The following DMRT3 variants were observed in gnomAD, a reference collection of about 807,000 sequenced individuals.
DMRT3 encodes doublesex- and mab-3-related transcription factor 3.
DMRT3 carries 29 observed loss-of-function variants against 34.9 expected under a neutral mutation model. The observed-to-expected ratio is 0.83, with a 90% CI of 0.62 to 1.13. DMRT3 has a LOEUF of 1.13. DMRT3 is among the 50% of genes most tolerant of loss of function. The probability of loss-of-function intolerance (pLI) is 0.00; values close to 1 mark genes in which losing one functional copy is unlikely to be tolerated. For missense variants in DMRT3, 772 were observed against 629.1 expected (o/e 1.23, Z -2.43); for synonymous variants, 350 against 286.0 (o/e 1.22, Z -2.26).
chr9:977,366 G>T lies in DMRT3; in HGVS notation c.365G>T (p.Arg122Leu), dbSNP rs950153747. 9.3e-5 allele frequency: 115 copies of T among 1,233,070 alleles called. No individual in the cohort carries two copies. The highest frequency in any genetic ancestry group is 1.1e-4 in the Non-Finnish European group (112 of 991,134). 76.4% of individuals were successfully genotyped at this position (1,233,070 alleles called of 1,614,324 possible). A position where few individuals can be genotyped will look rare whatever the true frequency, so the allele number is the denominator to read the frequency against. The change falls in exon 1 of 2, where the codon CGC becomes CTC. Residue 122 changes from arginine (R) to leucine (L), a missense_variant. By Grantham distance (102) the Arg-to-Leu change is moderately radical. Transcript: ENST00000190165. ...CAGCCGTCGCAGCCGCAGCCGCCGC[G>T]CCCTGCTGCCGAGTTGGCCGCGGCC... is the stretch of plus-strand genomic sequence containing the variant. ...ASQPSQPQPPRPAAELAAAAA... is the reference protein window; with the variant it reads ...ASQPSQPQPPLPAAELAAAAA...
intron 1 of DMRT3, among the ~76,000 whole-genome samples, chr9:987,723 A>G (rs1820303156): frequency 1.3e-5 from 2 of 152,212 alleles, no homozygotes; most frequent in African/African-American, 4.8e-5. Context: ...ATCGTGCAGA[A>G]ATATAAATAC....
chr9:984,497 C>T (rs1015815328), intron 1 of DMRT3, among the ~76,000 whole-genome samples: 1 of 151,672 alleles, frequency 6.6e-6, no homozygotes, highest in African/African-American at 2.4e-5. Flanking sequence ...ATTCTGTCGC[C>T]GCAGCTGGAG....
chr9:990,484 G>A lies in DMRT3; in HGVS notation c.898G>A (p.Ala300Thr), dbSNP rs569551719. ...AGTCACGGGAGCAGAGCGAACTTCCGCAGAACCTGAGAGTCTAGCGTTGCC... is the reference window on the plus strand; with the variant it reads ...AGTCACGGGAGCAGAGCGAACTTCCACAGAACCTGAGAGTCTAGCGTTGCC... ...SSVTGAERTSAEPESLALPSN... is the reference protein window; with the variant it reads ...SSVTGAERTSTEPESLALPSN... The change falls in exon 2 of 2, where the codon GCA becomes ACA. Residue 300 changes from alanine to threonine, a missense_variant. Ala to Thr is a moderately conservative substitution (Grantham distance 58, BLOSUM62 0). Coordinates refer to ENST00000190165, the MANE Select transcript of DMRT3 (RefSeq NM_021240.4). The A allele has an allele frequency of 3.7e-6, 6 of 1,614,164 alleles. No individual in the cohort carries two copies. The highest frequency in any genetic ancestry group is 2.2e-5 in the East Asian group (1 of 44,880).
Position 990,560 on chromosome 9 carries a change from C to T in DMRT3, c.974C>T (p.Ser325Phe), listed in dbSNP as rs1375521346. 6.2e-7 allele frequency: 1 copy of T among 1,614,148 alleles called. No individual in the cohort carries two copies. Among genetic ancestry groups the T allele is most frequent in the Admixed American group, 1.7e-5 (1 of 60,012 alleles). ...EHTLSSYPIS[S>F]SKWSVGSAFR... ...ACCTTGAGCTCCTACCCCATCTCGT[C>T]TTCCAAATGGTCTGTGGGATCAGCC... Residue 325 changes from serine (S) to phenylalanine (F), a missense_variant, in exon 2 of 2, where the codon TCT becomes TTT. Ser to Phe is a radical substitution (Grantham distance 155, BLOSUM62 -2). Transcript: ENST00000190165.
At position 990,258 on chromosome 9, in the gene DMRT3, C is replaced by T. The variant is rs77818517; in HGVS notation, c.672C>T (p.His224=). The T allele has an allele frequency of 3.3e-5, 54 of 1,613,932 alleles. No homozygotes were observed. The East Asian group carries it at 7.4e-4, about 22-fold the overall frequency. The part of the protein sequence containing the change: ...PESRPDSPKC[H]AEQNHLLIEG... ...GCCGCCCTGACAGCCCCAAGTGTCA[C>T]GCGGAGCAGAATCACCTCCTGATTG... Residue 224 remains histidine, a synonymous_variant, in exon 2 of 2, where the codon CAC becomes CAT. Transcript: ENST00000190165.
chr9:981,753 C>T lies in DMRT3; in HGVS notation c.454+4298C>T, dbSNP rs559902655. ...ATAGGGGGCAGCGGCTCCTTGCGGC[C>T]GCAATGGACTGCCGTCTCCTTGCAC... is the stretch of plus-strand genomic sequence containing the variant. On this transcript the variant is annotated intron_variant, in intron 1 of 1. Transcript: ENST00000190165. 8.1e-4 allele frequency among the ~76,000 whole-genome samples: 123 copies of T among 152,278 alleles called. 1 individual carries two copies. Among genetic ancestry groups the T allele is most frequent in the African/African-American group, 2.7e-3 (113 of 41,554 alleles).
At position 991,108 on chromosome 9, in the gene DMRT3, T is replaced by G; in HGVS notation, c.*103T>G. 7.0e-7 allele frequency: 1 copy of G among 1,422,344 alleles called. No homozygotes were observed. The highest frequency in any genetic ancestry group is 9.5e-7 in the Non-Finnish European group (1 of 1,055,730). 88.1% of individuals were successfully genotyped at this position (1,422,344 alleles called of 1,614,324 possible). On this transcript the variant is annotated 3_prime_UTR_variant, in exon 2 of 2. Coordinates refer to ENST00000190165, the MANE Select transcript of DMRT3 (RefSeq NM_021240.4). The stretch of plus-strand genomic sequence containing the variant: ...CTTGTGTATGCCCTTTCCTTCTGTT[T>G]GACAAAGTGACTGTGCTTGATTCTA...
intron 1 of DMRT3, among the ~76,000 whole-genome samples, chr9:980,776 A>T (rs1820206926): frequency 6.6e-6 from 1 of 152,132 alleles, no homozygotes; most frequent in African/African-American, 2.4e-5. Context: ...GCCTTTCAGG[A>T]CGTGGGCTCA....
At position 983,922 on chromosome 9, in the gene DMRT3, T is replaced by TG. The variant is rs1344908584; in HGVS notation, c.455-6119_455-6118insG. 1.7e-3 allele frequency among the ~76,000 whole-genome samples: 263 copies of TG among 152,074 alleles called. 2 individuals are homozygous for TG. The highest frequency in any genetic ancestry group is 5.7e-3 in the African/African-American group (236 of 41,464). On this transcript the variant is annotated intron_variant, in intron 1 of 1. Transcript: ENST00000190165. ...AAGCATGGCTAGTTTTTTTTTTTTT[T>TG]TTAACTTTTCACAACCCTCCCCAAC...
At position 991,535 on chromosome 9, in the gene DMRT3, T is replaced by C. The variant is rs1392611309; in HGVS notation, c.*530T>C. ...AACTGCTCATATGCTTATTTAAGCT[T>C]GGACAGTTTTCAGAGACAAACCCCA... On this transcript the variant is annotated 3_prime_UTR_variant, in exon 2 of 2. Transcript: ENST00000190165. 1 of 153,030 alleles carries C rather than the reference T, an allele frequency of 6.5e-6. No individual in the cohort carries two copies. Among genetic ancestry groups the C allele is most frequent in the African/African-American group, 2.4e-5 (1 of 41,460 alleles). 9.5% of individuals were successfully genotyped at this position (153,030 alleles called of 1,614,324 possible).
chr9:985,018 G>A (rs765117435), intron 1 of DMRT3, among the ~76,000 whole-genome samples: 3 of 152,076 alleles, frequency 2.0e-5, no homozygotes, highest in Non-Finnish European at 4.4e-5. Flanking sequence ...ATATTTTGAA[G>A]TCGGTAGCAT....
chr9:991,089 T>C lies in DMRT3; in HGVS notation c.*84T>C. On this transcript the variant is annotated 3_prime_UTR_variant, in exon 2 of 2. Transcript: ENST00000190165. ...ATCTGAGGAGAGGCCACATCTTGTG[T>C]ATGCCCTTTCCTTCTGTTTGACAAA... 1.3e-6 allele frequency: 2 copies of C among 1,494,832 alleles called. No homozygotes were observed. Among genetic ancestry groups the C allele is most frequent in the Non-Finnish European group, 1.8e-6 (2 of 1,112,952 alleles). The allele number at this position is 1,494,832 out of a possible 1,614,324, so 92.6% of individuals were successfully genotyped here. A position where few individuals can be genotyped will look rare whatever the true frequency, so the allele number is the denominator to read the frequency against.
Position 976,982 on chromosome 9 carries a change from C to T in DMRT3, c.-20C>T. The T allele has an allele frequency of 6.8e-7, 1 of 1,465,346 alleles. No homozygotes were observed. The highest frequency in any genetic ancestry group is 9.0e-7 in the Non-Finnish European group (1 of 1,106,306). The allele number at this position is 1,465,346 out of a possible 1,614,324, so 90.8% of individuals were successfully genotyped here. ...CCCTCTCCCGCAGCCAGGCTGCCAA[C>T]TCATTCGGGAGCCCGGGGCATGAAC... On this transcript the variant is annotated 5_prime_UTR_variant, in exon 1 of 2. Coordinates refer to ENST00000190165, the MANE Select transcript of DMRT3 (RefSeq NM_021240.4). This position sits in a 1 kb window ranked among gnomAD's most constrained non-coding sequence, Gnocchi z 4.5.
rs537600282 is a variant in DMRT3, at chr9:983,881, G to T, written c.455-6160G>T. ...ACGTTATTAATTCAGTGTTGTTAAT[G>T]ATTTTTTAAAAAGTAAAGCATGGCT... On this transcript the variant is annotated intron_variant, in intron 1 of 1. Coordinates refer to ENST00000190165, the MANE Select transcript of DMRT3 (RefSeq NM_021240.4). Among the ~76,000 whole-genome samples, 4 of 148,990 alleles carry T rather than the reference G, an allele frequency of 2.7e-5. No homozygotes were observed. The South Asian group carries it at 8.5e-4, about 32-fold the overall frequency.
intron 1 of DMRT3, among the ~76,000 whole-genome samples, chr9:986,184 G>A (rs1820280290): frequency 6.6e-6 from 1 of 152,200 alleles, no homozygotes; most frequent in South Asian, 2.1e-4. Context: ...CACAATTGCT[G>A]AACAAGCTGG....
chr9:976,885 G>T lies in DMRT3; in HGVS notation c.-117G>T. On this transcript the variant is annotated 5_prime_UTR_variant, in exon 1 of 2. Coordinates refer to ENST00000190165, the MANE Select transcript of DMRT3 (RefSeq NM_021240.4). The surrounding 1 kb of genome is among the most constrained non-coding windows in gnomAD (Gnocchi z 4.5). ...AGCACACACGACCACCGGGGCTGCGGGACCAAGGGCCGCGTCGCCCGGAGG... is the reference window on the plus strand; with the variant it reads ...AGCACACACGACCACCGGGGCTGCGTGACCAAGGGCCGCGTCGCCCGGAGG... 1 of 1,155,778 alleles carries T rather than the reference G, an allele frequency of 8.7e-7. No homozygotes were observed. The highest frequency in any genetic ancestry group is 3.1e-5 in the East Asian group (1 of 32,004). The allele number at this position is 1,155,778 out of a possible 1,614,324, so 71.6% of individuals were successfully genotyped here.
At position 977,042 on chromosome 9, in the gene DMRT3, C is replaced by T. The variant is rs1301228434; in HGVS notation, c.41C>T (p.Pro14Leu). ...TCCCCCTACCTGTACATGGGCGGCC[C>T]GGTGTCGCAGCCGCCACGGGCGCCC... ...YGSPYLYMGG[P>L]VSQPPRAPLQ... The change falls in exon 1 of 2, where the codon CCG (proline) becomes CTG (leucine). Residue 14 changes from proline (P) to leucine (L), a missense_variant. Physicochemically the swap from Pro to Leu is moderately conservative, Grantham distance 98. Transcript: ENST00000190165. 6.4e-7 allele frequency: 1 copy of T among 1,564,828 alleles called. No individual in the cohort carries two copies. Among genetic ancestry groups the T allele is most frequent in the South Asian group, 1.2e-5 (1 of 85,854 alleles).
intron 1 of DMRT3, among the ~76,000 whole-genome samples, chr9:987,412 C>CTGTGTGTG (rs6150885): frequency 1.6e-4 from 24 of 149,616 alleles, no homozygotes; most frequent in Middle Eastern, 3.4e-3. Flanking sequence ...TAATATCCCA[C>CTGTGTGTG]TGTGTGTGTG....
chr9:981,091 C>A (rs1024211512), intron 1 of DMRT3, among the ~76,000 whole-genome samples: 3 of 151,810 alleles, frequency 2.0e-5, no homozygotes, highest in Non-Finnish European at 4.4e-5. Context: ...CTGTTTATTT[C>A]TTAGGGGGTG....
Sources: allele counts gnomAD v4.1 joint callset (sites outside exome capture counted in the v4.1 genomes callset), GRCh38; gene constraint gnomAD v4.1.1; non-coding constraint Gnocchi (gnomAD v3.1); transcripts MANE v1.5; gene names NCBI Gene and HGNC (gene_info 2026-07-23, HGNC 2026-07-21).